DLG5: variants seen among roughly 807,000 people sequenced by gnomAD.
DLG5 encodes the protein disks large homolog 5.
A neutral mutation model predicts 189.8 loss-of-function variants in DLG5; 48 were observed. The observed-to-expected ratio is 0.25, with a 90% CI of 0.20 to 0.32. The LOEUF (loss-of-function observed/expected upper bound fraction) is 0.32, where lower values mean the gene tolerates loss of function less well. DLG5 is among the 10% of genes least tolerant of loss of function. DLG5 has a pLI of 1.00. For missense variants in DLG5, 2,160 were observed against 2,544.7 expected (o/e 0.85, Z 3.25); for synonymous variants, 1,016 against 1,054.1 (o/e 0.96, Z 0.70).
Position 77,796,322 on chromosome 10 carries a change from A to G in DLG5, c.5308+129T>C. On this transcript the variant is annotated intron_variant, in intron 28 of 31. Coordinates refer to ENST00000372391, the MANE Select transcript of DLG5 (RefSeq NM_004747.4). The surrounding 1 kb of genome is among the most constrained non-coding windows in gnomAD (Gnocchi z 5.2). ...ATGCATGAATCTGACCCATGTCAGC[A>G]GGCTTCTGGAACACTGTGAAATCTG... is the stretch of plus-strand genomic sequence containing the variant. 1 of 1,583,338 alleles carries G rather than the reference A, an allele frequency of 6.3e-7. No homozygotes were observed. The highest frequency in any genetic ancestry group is 8.6e-7 in the Non-Finnish European group (1 of 1,160,472).
chr10:77,808,029 G>A lies in DLG5; in HGVS notation c.4648-85C>T, dbSNP rs1252470864. The A allele has an allele frequency of 3.6e-5, 55 of 1,519,800 alleles. 1 individual carries two copies. Among genetic ancestry groups the A allele is most frequent in the East Asian group, 2.1e-4 (9 of 42,926 alleles). 94.1% of individuals were successfully genotyped at this position (1,519,800 alleles called of 1,614,324 possible). ...CGAGAGGGGCCAGTGCTGACCATAC[G>A]GCAGAAATTCAACATCCCTCCTTAA... On this transcript the variant is annotated intron_variant, in intron 24 of 31. Transcript: ENST00000372391.
At chr10:77,865,211 C>T (rs927668832) in intron 2 of DLG5, among the ~76,000 whole-genome samples, 9 of 152,212 alleles carry the variant, frequency 5.9e-5, no homozygotes, top group African/African-American at 1.7e-4. Context: ...TCACCGTGAT[C>T]CCTATGAGTA....
At chr10:77,868,032 A>T (rs1844754949) in intron 2 of DLG5, 3 of 456,576 alleles carry the variant, frequency 6.6e-6, no homozygotes, top group Non-Finnish European at 8.8e-6. Context: ...CCAGCAAGCC[A>T]CCAGAAGCGA....
At chr10:77,918,160 C>T (rs1366935218) in intron 1 of DLG5, among the ~76,000 whole-genome samples, 1 of 152,010 alleles carries the variant, frequency 6.6e-6, no homozygotes, top group African/African-American at 2.4e-5. Flanking sequence ...CCTGTAATCC[C>T]AGCACTTTGA....
intron 20 of DLG5, chr10:77,816,124 A>C: frequency 2.1e-6 from 1 of 480,254 alleles, no homozygotes; most frequent in Non-Finnish European, 4.1e-6. Flanking sequence ...GCCAGCCACT[A>C]ACCACGTGGC....
chr10:77,836,958 T>C (rs1843169647), intron 7 of DLG5, among the ~76,000 whole-genome samples: 1 of 152,080 alleles, frequency 6.6e-6, no homozygotes, highest in African/African-American at 2.4e-5. Context: ...CTCACACCTG[T>C]AATCCCAGCA....
intron 2 of DLG5, among the ~76,000 whole-genome samples, chr10:77,858,312 A>G (rs1844332549): frequency 6.6e-6 from 1 of 152,166 alleles, no homozygotes. Context: ...TGTATTAAAA[A>G]AAAAAGATTA....
chr10:77,921,426 A>G (rs147421139), intron 1 of DLG5, among the ~76,000 whole-genome samples: 113 of 152,176 alleles, frequency 7.4e-4, no homozygotes, highest in Middle Eastern at 6.8e-3. Flanking sequence ...AAAGCCTGGC[A>G]GGGTTATTCC....
At chr10:77,835,362 C>A (rs1843074358) in intron 8 of DLG5, among the ~76,000 whole-genome samples, 1 of 152,206 alleles carries the variant, frequency 6.6e-6, no homozygotes. Context: ...TCTCCTTGCT[C>A]CAGAGATCTA....
At chr10:77,876,785 A>G (rs1255108615) in intron 1 of DLG5, among the ~76,000 whole-genome samples, 2 of 150,666 alleles carry the variant, frequency 1.3e-5, no homozygotes, top group African/African-American at 4.9e-5. Context: ...CATTGCCCAG[A>G]TAATTGGAGA....
At chr10:77,921,625 G>A (rs191999483) in intron 1 of DLG5, among the ~76,000 whole-genome samples, 2 of 152,202 alleles carry the variant, frequency 1.3e-5, no homozygotes, top group African/African-American at 4.8e-5. Context: ...TCCTCTCTAT[G>A]GCTCAGCCTG....
chr10:77,890,273 G>A (rs1845567473), intron 1 of DLG5, among the ~76,000 whole-genome samples: 1 of 152,120 alleles, frequency 6.6e-6, no homozygotes, highest in Non-Finnish European at 1.5e-5. Context: ...TCAGCTGGAG[G>A]GCGCTCTTGA....
chr10:77,903,378 A>G (rs1397364282), intron 1 of DLG5, among the ~76,000 whole-genome samples: 1 of 151,986 alleles, frequency 6.6e-6, no homozygotes, highest in Non-Finnish European at 1.5e-5. Context: ...CAGTGAGCTG[A>G]GATTGCACCA....
rs1840919961 is a variant in DLG5 at position 77,796,345 on chromosome 10, C to G, written c.5308+106G>C. Reference sequence around the variant, plus strand: ...GCAGGCTTCTGGAACACTGTGAAATCTGCCCCCCGGTACTGCCACCCACTG... The same window carrying G: ...GCAGGCTTCTGGAACACTGTGAAATGTGCCCCCCGGTACTGCCACCCACTG... On this transcript the variant is annotated intron_variant, in intron 28 of 31. Coordinates refer to ENST00000372391, the MANE Select transcript of DLG5 (RefSeq NM_004747.4). The surrounding 1 kb of genome is among the most constrained non-coding windows in gnomAD (Gnocchi z 5.2). 2 of 1,588,394 alleles carry G rather than the reference C, an allele frequency of 1.3e-6. No homozygotes were observed. Among genetic ancestry groups the G allele is most frequent in the South Asian group, 1.1e-5 (1 of 87,840 alleles).
chr10:77,876,341 C>T (rs1446004716), intron 1 of DLG5, among the ~76,000 whole-genome samples: 1 of 150,518 alleles, frequency 6.6e-6, no homozygotes, highest in Non-Finnish European at 1.5e-5. Context: ...AGTTCAAGAC[C>T]AGCCTGGGCA....
intron 8 of DLG5, among the ~76,000 whole-genome samples, chr10:77,835,283 C>G (rs1843070155): frequency 6.6e-6 from 1 of 152,140 alleles, no homozygotes; most frequent in African/African-American, 2.4e-5. Context: ...TGCATGCCCC[C>G]CACAGCCCTA....
At chr10:77,841,669 T>G (rs1487554854) in intron 7 of DLG5, among the ~76,000 whole-genome samples, 1 of 152,178 alleles carries the variant, frequency 6.6e-6, no homozygotes, top group Non-Finnish European at 1.5e-5. Context: ...TGGGTCTCCC[T>G]CCCGCCTTGT....
upstream of DLG5, chr10:77,926,932 C>G (rs1003586824): frequency 1.9e-5 from 7 of 364,206 alleles, no homozygotes; most frequent in Non-Finnish European, 3.9e-5. This position sits in a 1 kb window ranked among gnomAD's most constrained non-coding sequence, Gnocchi z 5.2. Flanking sequence ...CGCGCCGCCC[C>G]CAGAGCAAGA....
chr10:77,845,545 T>A (rs1405899756), intron 5 of DLG5: 4 of 151,478 alleles, frequency 2.6e-5, no homozygotes, highest in Non-Finnish European at 5.9e-5. Context: ...CATTAGATTC[T>A]AGGACTGTAG....
Sources: gnomAD v4.1 joint callset for allele counts (sites outside exome capture counted in the v4.1 genomes callset) on GRCh38, gnomAD v4.1.1 for gene constraint, Gnocchi (gnomAD v3.1) non-coding constraint, MANE v1.5 for transcripts, NCBI Gene and HGNC (gene_info 2026-07-23, HGNC 2026-07-21) for gene names.